The following SPTBN4 variants were observed in gnomAD, a reference collection of about 807,000 sequenced individuals.
SPTBN4 encodes the protein spectrin beta chain, non-erythrocytic 4.
Under a neutral mutation model 277.8 loss-of-function variants are expected in SPTBN4, and 96 were observed. That is an observed-to-expected ratio of 0.35 (90% CI 0.29 to 0.41). The LOEUF is 0.41. Ranked by LOEUF, SPTBN4 falls within the 10% of genes least tolerant of loss-of-function variation. SPTBN4 has a pLI of 1.00. For synonymous variants in SPTBN4, 1,481 were observed against 1,580.3 expected (o/e 0.94, Z 1.49); for missense variants, 3,006 against 3,595.7 (o/e 0.84, Z 4.19).
chr19:40,483,077 C>G (rs2080030820), intron 2 of SPTBN4, among the ~76,000 whole-genome samples: 1 of 152,104 alleles, frequency 6.6e-6, no homozygotes, highest in Admixed American at 6.6e-5. Context: ...TCGATGATCC[C>G]CCAGAATCCA....
intron 27 of SPTBN4, among the ~76,000 whole-genome samples, chr19:40,562,742 G>C (rs1433775657): frequency 6.6e-6 from 1 of 151,922 alleles, no homozygotes; most frequent in Non-Finnish European, 1.5e-5. Flanking sequence ...GCTGAGGCAG[G>C]AGAATTGCTT....
chr19:40,485,624 C>T (rs1231993828), intron 2 of SPTBN4, among the ~76,000 whole-genome samples: 1 of 149,488 alleles, frequency 6.7e-6, no homozygotes, highest in Non-Finnish European at 1.5e-5. Context: ...TGGGCAACAT[C>T]GTGAGACCCT....
At chr19:40,516,704 GTC>G (rs1238137413) in intron 15 of SPTBN4, among the ~76,000 whole-genome samples, 1 of 152,078 alleles carries the variant, frequency 6.6e-6, no homozygotes, top group Non-Finnish European at 1.5e-5. Flanking sequence ...TGTGCCTGTA[GTC>G]CTAGCTACTC....
intron 20 of SPTBN4, among the ~76,000 whole-genome samples, chr19:40,535,471 C>G (rs889341028): frequency 6.6e-5 from 10 of 151,600 alleles, no homozygotes; most frequent in African/African-American, 2.4e-4. Flanking sequence ...ATAGCAAAGC[C>G]TGGATTTCAG....
Position 40,575,434 on chromosome 19 carries a change from G to A in SPTBN4, c.7560G>A (p.Glu2520=). 1 of 1,613,422 alleles carries A rather than the reference G, an allele frequency of 6.2e-7. No homozygotes were observed. The highest frequency in any genetic ancestry group is 2.2e-5 in the East Asian group (1 of 44,872). Residue 2520 remains glutamate, a synonymous_variant, in exon 36 of 36, where the codon GAG becomes GAA. Transcript: ENST00000598249. ...AGGAGGAGATGAACGGCTGGCTGGA[G>A]GCTGTAGCTTCCTCGGTGGCGGAAC... ...KDEEEMNGWL[E]AVASSVAEHA... is the part of the protein sequence containing the mutation.
At chr19:40,528,570 C>A (rs899330085) in intron 17 of SPTBN4, among the ~76,000 whole-genome samples, 1 of 152,198 alleles carries the variant, frequency 6.6e-6, no homozygotes, top group African/African-American at 2.4e-5. Flanking sequence ...CTGTCACTTT[C>A]CCTCTCTCTG....
chr19:40,476,926 C>T (rs1303756966), intron 2 of SPTBN4, among the ~76,000 whole-genome samples: 1 of 151,880 alleles, frequency 6.6e-6, no homozygotes, highest in Non-Finnish European at 1.5e-5. Flanking sequence ...AGGAGGGGGT[C>T]TCTCCATGTT....
At chr19:40,567,310 T>TAAAC (rs1328571296) in intron 30 of SPTBN4, 2 of 148,162 alleles carry the variant, frequency 1.3e-5, no homozygotes, top group Non-Finnish European at 2.9e-5. Flanking sequence ...AATAAATAAA[T>TAAAC]AAATAAATAA....
Position 40,553,020 on chromosome 19 carries a change from T to C in SPTBN4, c.4675-1127T>C, listed in dbSNP as rs138679408. On this transcript the variant is annotated intron_variant, in intron 22 of 35. Coordinates refer to ENST00000598249, the MANE Select transcript of SPTBN4 (RefSeq NM_020971.3). ...TCAGCCTGATACTAGCTGTGTGACC[T>C]TAGCAAATTCCTCACCCTCTCTGTG... Among the ~76,000 whole-genome samples, 3 of 152,334 alleles carry C rather than the reference T, an allele frequency of 2.0e-5. No homozygotes were observed. In the East Asian group the frequency reaches 5.8e-4, roughly 29 times the overall value.
chr19:40,528,609 CTGAG>C (rs1324342714), intron 17 of SPTBN4, among the ~76,000 whole-genome samples: 4 of 152,178 alleles, frequency 2.6e-5, no homozygotes, highest in African/African-American at 9.7e-5. Flanking sequence ...CTGCTGCTCC[CTGAG>C]TTTCTTTCTG....
rs1219960176 is a variant in SPTBN4, at chr19:40,568,251, G to A, written c.6925G>A (p.Glu2309Lys). 4.4e-6 allele frequency: 7 copies of A among 1,604,310 alleles called. No homozygotes were observed. The South Asian group carries it at 5.6e-5, about 13-fold the overall frequency. ...RLERQESSEQ[E>K]MPIRGDLVKG... ...GGAGCGGCAGGAGTCCAGCGAACAG[G>A]AGATGCCCATCAGAGGAGACCTGGT... Residue 2309 changes from glutamate (E) to lysine (K), a missense_variant, in exon 31 of 36, where the codon GAG becomes AAG. Glu to Lys is a moderately conservative substitution (Grantham distance 56, BLOSUM62 1). Coordinates refer to ENST00000598249, the MANE Select transcript of SPTBN4 (RefSeq NM_020971.3).
rs200129769 is a variant in SPTBN4 at position 40,504,137 on chromosome 19, C to CGGGGGGGGGGGGGGGGGGGG, written c.1665+7_1665+8insGGGGGGGGGGGGGGGGGGGG. On this transcript the variant is annotated splice_donor_region_variant and intron_variant, in intron 12 of 35. Coordinates refer to ENST00000598249, the MANE Select transcript of SPTBN4 (RefSeq NM_020971.3). ...GACTGGATGGAGGAGATGCAGGTGC[C>CGGGGGGGGGGGGGGGGGGGG]GGCGGGGGGGCGGGGATGCGGGTGG... 1 of 580,300 alleles carries CGGGGGGGGGGGGGGGGGGGG rather than the reference C, an allele frequency of 1.7e-6. No homozygotes were observed. Among genetic ancestry groups the CGGGGGGGGGGGGGGGGGGGG allele is most frequent in the Admixed American group, 3.1e-5 (1 of 32,224 alleles). 35.9% of individuals were successfully genotyped at this position (580,300 alleles called of 1,614,324 possible).
chr19:40,547,535 G>A (rs1168303006), intron 20 of SPTBN4, among the ~76,000 whole-genome samples: 1 of 152,120 alleles, frequency 6.6e-6, no homozygotes, highest in Non-Finnish European at 1.5e-5. Flanking sequence ...AATCCTTTGG[G>A]TATATACCCA....
At chr19:40,568,922 C>T (rs2081123048) in intron 31 of SPTBN4, among the ~76,000 whole-genome samples, 1 of 152,150 alleles carries the variant, frequency 6.6e-6, no homozygotes, top group Admixed American at 6.5e-5. Context: ...TTGCTGAGTG[C>T]CCACTCTGCC....
chr19:40,474,232 T>C (rs938915444), intron 2 of SPTBN4, among the ~76,000 whole-genome samples: 4 of 151,358 alleles, frequency 2.6e-5, no homozygotes, highest in Admixed American at 1.3e-4. Flanking sequence ...ATTTTAGTCA[T>C]TGTTCCCTAG....
chr19:40,566,112 A>G, intron 29 of SPTBN4, 51 bp from the exon 30 acceptor site: 1 of 1,449,594 alleles, frequency 6.9e-7, no homozygotes, highest in Non-Finnish European at 9.1e-7. Context: ...CATTGCCCCC[A>G]GGAAGGGCCC....
At chr19:40,535,941 C>G (rs548155150) in intron 20 of SPTBN4, among the ~76,000 whole-genome samples, 67 of 151,968 alleles carry the variant, frequency 4.4e-4, no homozygotes, top group Non-Finnish European at 5.9e-5. Context: ...GCCTGGGAGA[C>G]AGAGCGAGAC....
intron 1 of SPTBN4, among the ~76,000 whole-genome samples, chr19:40,471,837 C>T (rs1198128703): frequency 6.6e-6 from 1 of 151,752 alleles, no homozygotes; most frequent in Non-Finnish European, 1.5e-5. Context: ...TTCACAGGCT[C>T]AAGCCATCCT....
At chr19:40,573,650 G>A (rs2081174828) in intron 35 of SPTBN4, among the ~76,000 whole-genome samples, 1 of 151,984 alleles carries the variant, frequency 6.6e-6, no homozygotes, top group African/African-American at 2.4e-5. Flanking sequence ...GACCAACATG[G>A]AGAAACCCCA....
Sources: gnomAD v4.1 joint callset for allele counts (sites outside exome capture counted in the v4.1 genomes callset) on GRCh38, gnomAD v4.1.1 for gene constraint, MANE v1.5 for transcripts, NCBI Gene and HGNC (gene_info 2026-07-23, HGNC 2026-07-21) for gene names.